TSPAN9: variants seen among roughly 807,000 people sequenced by gnomAD.
TSPAN9 encodes tetraspanin-9.
A neutral mutation model predicts 31.0 loss-of-function variants in TSPAN9; 16 were observed. That is an observed-to-expected ratio of 0.52 (90% CI 0.35 to 0.78). The LOEUF is 0.78. Among genes scored for constraint, TSPAN9 ranks in the 30% least tolerant of loss-of-function variants. TSPAN9 has a pLI of 0.01. For missense variants in TSPAN9, 272 were observed against 312.5 expected (o/e 0.87, Z 0.98); for synonymous variants, 145 against 121.6 (o/e 1.19, Z -1.27).
At chr12:3,267,837 A>T (rs80271086) in intron 3 of TSPAN9, among the ~76,000 whole-genome samples, 1,877 of 152,256 alleles carry the variant, frequency 0.012, 49 homozygotes, top group African/African-American at 0.044. Context: ...GGCTCTGGGC[A>T]TGCAGGTCAT....
At chr12:3,251,278 C>G (rs1205722053) in intron 3 of TSPAN9, among the ~76,000 whole-genome samples, 1 of 152,130 alleles carries the variant, frequency 6.6e-6, no homozygotes, top group African/African-American at 2.4e-5. Context: ...GCAGGCTGTT[C>G]ACAGGCCCCA....
At chr12:3,098,473 G>A (rs545963631) in intron 2 of TSPAN9, among the ~76,000 whole-genome samples, 29 of 152,162 alleles carry the variant, frequency 1.9e-4, no homozygotes, top group Non-Finnish European at 2.9e-4. Flanking sequence ...CAGAAAATCA[G>A]TTGCACCTGT....
intron 2 of TSPAN9, among the ~76,000 whole-genome samples, chr12:3,185,527 G>A (rs975658757): frequency 1.3e-5 from 2 of 151,874 alleles, no homozygotes; most frequent in African/African-American, 4.8e-5. Flanking sequence ...TAGAGAAGGG[G>A]TGGTGGTAAG....
intron 2 of TSPAN9, among the ~76,000 whole-genome samples, chr12:3,144,741 T>C (rs755870829): frequency 4.6e-5 from 7 of 152,214 alleles, no homozygotes; most frequent in African/African-American, 7.2e-5. Flanking sequence ...GAGATCATCC[T>C]CTCTCACATC....
rs564754742 is a variant in TSPAN9 at position 3,250,225 on chromosome 12, G to A, written c.64-28196G>A. On this transcript the variant is annotated intron_variant, in intron 3 of 8. Coordinates refer to ENST00000011898, the MANE Select transcript of TSPAN9 (RefSeq NM_006675.5). ...ATCCTGTGCCACCCTGCATGGTAACGAGCCCCTTGCCTTTACCCATTGCGT... is the reference window on the plus strand; with the variant it reads ...ATCCTGTGCCACCCTGCATGGTAACAAGCCCCTTGCCTTTACCCATTGCGT... Among the ~76,000 whole-genome samples, 4 of 152,254 alleles carry A rather than the reference G, an allele frequency of 2.6e-5. No individual in the cohort carries two copies. In the East Asian group the frequency reaches 7.8e-4, roughly 30 times the overall value.
At chr12:3,182,866 C>T (rs923081980) in intron 2 of TSPAN9, among the ~76,000 whole-genome samples, 1 of 152,186 alleles carries the variant, frequency 6.6e-6, no homozygotes, top group African/African-American at 2.4e-5. Flanking sequence ...CCACGCAGCC[C>T]TCCCTGAGGC....
At chr12:3,102,302 T>A (rs2098312216) in intron 2 of TSPAN9, among the ~76,000 whole-genome samples, 1 of 151,926 alleles carries the variant, frequency 6.6e-6, no homozygotes, top group African/African-American at 2.4e-5. Flanking sequence ...ATTTTTAAAA[T>A]TTTTTTGTAG....
At chr12:3,126,481 G>T (rs1207490760) in intron 2 of TSPAN9, among the ~76,000 whole-genome samples, 1 of 152,172 alleles carries the variant, frequency 6.6e-6, no homozygotes, top group African/African-American at 2.4e-5. Context: ...GAGTGATTTG[G>T]ATATGTGTAC....
At chr12:3,212,912 A>G (rs2098379482) in intron 3 of TSPAN9, among the ~76,000 whole-genome samples, 1 of 152,090 alleles carries the variant, frequency 6.6e-6, no homozygotes. Flanking sequence ...AGGATGGAAG[A>G]TGTACAACGT....
chr12:3,170,843 G>A lies in TSPAN9; in HGVS notation c.-17-30334G>A, dbSNP rs998972209. Among the ~76,000 whole-genome samples the A allele has an allele frequency of 2.2e-4, 34 of 152,184 alleles. No individual in the cohort carries two copies. The highest frequency in any genetic ancestry group is 8.0e-4 in the African/African-American group (33 of 41,432). ...TTTTCTGCCGGGCAGGGACTCCTGG[G>A]TTGGCGCTCTCTAAAGCCGCTTCTG... On this transcript the variant is annotated intron_variant, in intron 2 of 8. Transcript: ENST00000011898. The surrounding 1 kb of genome is among the most constrained non-coding windows in gnomAD (Gnocchi z 4.4).
At chr12:3,118,256 G>GTTTTTTATTTTTT (rs2098323375) in intron 2 of TSPAN9, among the ~76,000 whole-genome samples, 1 of 31,582 alleles carries the variant, frequency 3.2e-5, no homozygotes, top group Non-Finnish European at 6.4e-5. Flanking sequence ...TGCACCCGCC[G>GTTTTTTATTTTTT]TTTTTTTTTT....
chr12:3,276,995 G>T (rs2153980641), intron 3 of TSPAN9, among the ~76,000 whole-genome samples: 1 of 152,262 alleles, frequency 6.6e-6, no homozygotes, highest in East Asian at 1.9e-4. Flanking sequence ...TTGAGAGCAG[G>T]GGCTGGGCTG....
chr12:3,204,790 G>A (rs1468980686), intron 3 of TSPAN9, among the ~76,000 whole-genome samples: 1 of 152,210 alleles, frequency 6.6e-6, no homozygotes, highest in Non-Finnish European at 1.5e-5. Flanking sequence ...CCCATACTGA[G>A]GATCCTGTTC....
chr12:3,267,921 G>A (rs1176952823), intron 3 of TSPAN9, among the ~76,000 whole-genome samples: 3 of 152,174 alleles, frequency 2.0e-5, no homozygotes, highest in Non-Finnish European at 4.4e-5. Flanking sequence ...GTGTTACTGG[G>A]TGCGGGCGGC....
intron 2 of TSPAN9, among the ~76,000 whole-genome samples, chr12:3,135,617 T>C (rs1591642611): frequency 6.6e-6 from 1 of 152,198 alleles, no homozygotes; most frequent in East Asian, 1.9e-4. Flanking sequence ...TTCTGGCTTG[T>C]TGCTGTTCTT....
chr12:3,216,724 G>A (rs942832236), intron 3 of TSPAN9, among the ~76,000 whole-genome samples: 18 of 152,364 alleles, frequency 1.2e-4, no homozygotes, highest in Non-Finnish European at 1.9e-4. Flanking sequence ...TCAGCCATGT[G>A]GATCCCCTAA....
In TSPAN9 at chr12:3,082,908, A is replaced by C. The variant is rs143863095; in HGVS notation, c.-84-745A>C. ...TGAAATCACTGCTGTGAGGCACAGA[A>C]CAGAGTAGGCACAGTGGACCCCTCA... On this transcript the variant is annotated intron_variant, in intron 1 of 8. Transcript: ENST00000011898. Among the ~76,000 whole-genome samples the C allele has an allele frequency of 3.3e-3, 510 of 152,336 alleles. 6 individuals carry two copies. Among genetic ancestry groups the C allele is most frequent in the South Asian group, 5.4e-3 (26 of 4,816 alleles).
chr12:3,179,723 G>C (rs1337968336), intron 2 of TSPAN9, among the ~76,000 whole-genome samples: 1 of 152,160 alleles, frequency 6.6e-6, no homozygotes, highest in Non-Finnish European at 1.5e-5. Context: ...TGAATAAAGA[G>C]TCCACATTAC....
chr12:3,253,351 T>C (rs148451734), intron 3 of TSPAN9, among the ~76,000 whole-genome samples: 26 of 152,254 alleles, frequency 1.7e-4, no homozygotes, highest in African/African-American at 6.3e-4. Flanking sequence ...TGGAGCCTGG[T>C]GCTTAAGATT....
Sources: allele counts gnomAD v4.1 joint callset (sites outside exome capture counted in the v4.1 genomes callset), GRCh38; gene constraint gnomAD v4.1.1; non-coding constraint Gnocchi (gnomAD v3.1); transcripts MANE v1.5; gene names NCBI Gene and HGNC (gene_info 2026-07-23, HGNC 2026-07-21).